TCF7L2: variants seen among roughly 807,000 people sequenced by gnomAD.
TCF7L2 encodes the protein transcription factor 7 like 2, also known as transcription factor 7-like 2.
Under a neutral mutation model 77.9 loss-of-function variants are expected in TCF7L2, and 23 were observed. The observed-to-expected ratio is 0.30, with a 90% confidence interval of 0.21 to 0.42. The LOEUF is 0.42. Ranked by LOEUF, TCF7L2 falls within the 10% of genes least tolerant of loss-of-function variation. TCF7L2 has a pLI of 1.00. For missense variants in TCF7L2, 654 were observed against 793.1 expected, an observed-to-expected ratio of 0.82 and a Z score of 2.11; for synonymous variants, 413 against 340.2, an observed-to-expected ratio of 1.21 and a Z score of -2.36.
chr10:113,099,455 A>C (rs2061396048), intron 5 of TCF7L2, among the ~76,000 whole-genome samples: 1 of 152,192 alleles, frequency 6.6e-6, no homozygotes. Context: ...AGCCGCCTGC[A>C]CCAGCCCTCA....
intron 4 of TCF7L2, among the ~76,000 whole-genome samples, chr10:113,009,705 C>T (rs2046142184): frequency 6.6e-6 from 1 of 152,192 alleles, no homozygotes; most frequent in Non-Finnish European, 1.5e-5. Flanking sequence ...GTACTTAAAG[C>T]TGTAAAGGGC....
Position 113,158,853 on chromosome 10 carries a change from A to T in TCF7L2, c.1318+784A>T, listed in dbSNP as rs1249602008. The T allele has an allele frequency of 6.4e-6, 5 of 783,062 alleles. No individual in the cohort carries two copies. The African/African-American group carries it at 9.3e-5, about 15-fold the overall frequency. The allele number at this position is 783,062 out of a possible 1,614,324, so 48.5% of individuals were successfully genotyped here. ...AAAATGACCATCAACACGGTTTCGTATGTTTCAGTAGATTTTTTTTTTCAG... is the reference window on the plus strand; with the variant it reads ...AAAATGACCATCAACACGGTTTCGTTTGTTTCAGTAGATTTTTTTTTTCAG... On this transcript the variant is annotated intron_variant, in intron 12 of 13. Coordinates refer to ENST00000627217, the MANE Select transcript of TCF7L2 (RefSeq NM_001146274.2).
rs909622840 is a variant in TCF7L2, at chr10:113,166,086, T to C, written c.*114T>C. On this transcript the variant is annotated 3_prime_UTR_variant, in exon 14 of 14. Coordinates refer to ENST00000627217, the MANE Select transcript of TCF7L2 (RefSeq NM_001146274.2). ...TTTGTACTCTCTTAATTTTGTGCCA[T>C]GTGGCTACATTAGTTGATGTTTATC... is the stretch of plus-strand genomic sequence containing the variant. 4.0e-5 allele frequency: 38 copies of C among 958,232 alleles called. No homozygotes were observed. The African/African-American group carries it at 4.1e-4, about 10-fold the overall frequency. 59.4% of individuals were successfully genotyped at this position (958,232 alleles called of 1,614,324 possible). A position where few individuals can be genotyped will look rare whatever the true frequency, so the allele number is the denominator to read the frequency against.
Position 113,151,043 on chromosome 10 carries a change from G to A in TCF7L2, c.921G>A (p.Thr307=), listed in dbSNP as rs150706998. ...CACCACATCATACGCTACACACGAC[G>A]GGCATTCCGCATCCGGCCATAGTCA... The change falls in exon 9 of 14, where the codon ACG becomes ACA. Residue 307 remains threonine (T), a synonymous_variant. Transcript: ENST00000627217. The surrounding 1 kb of genome is among the most constrained non-coding windows in gnomAD (Gnocchi z 5.2). 1.8e-5 allele frequency: 29 copies of A among 1,613,978 alleles called. No homozygotes were observed. The highest frequency in any genetic ancestry group is 1.2e-4 in the African/African-American group (9 of 74,958).
intron 5 of TCF7L2, among the ~76,000 whole-genome samples, chr10:113,043,587 C>G (rs2052857212): frequency 2.0e-5 from 3 of 152,100 alleles, no homozygotes; most frequent in Non-Finnish European, 4.4e-5. Flanking sequence ...TCCCTGCCTT[C>G]CCTCTTCCTT....
chr10:113,055,104 A>G (rs993671195), intron 5 of TCF7L2, among the ~76,000 whole-genome samples: 2 of 152,218 alleles, frequency 1.3e-5, no homozygotes, highest in Non-Finnish European at 1.5e-5. Flanking sequence ...GTACCTATAT[A>G]TGAGTTTCTC....
At chr10:113,132,595 G>C (rs1274137421) in intron 5 of TCF7L2, among the ~76,000 whole-genome samples, 1 of 152,124 alleles carries the variant, frequency 6.6e-6, no homozygotes, top group Non-Finnish European at 1.5e-5. Context: ...TTTTGAATTT[G>C]AGCTTTTGGA....
At chr10:113,090,378 T>G in intron 5 of TCF7L2, among the ~76,000 whole-genome samples, 1 of 152,190 alleles carries the variant, frequency 6.6e-6, no homozygotes, top group Non-Finnish European at 1.5e-5. Context: ...ACCTATTGGG[T>G]GCTGTGCTAT....
At chr10:113,062,385 C>T (rs116249062) in intron 5 of TCF7L2, among the ~76,000 whole-genome samples, 1,992 of 152,236 alleles carry the variant, frequency 0.013, 44 homozygotes, top group African/African-American at 0.045. Flanking sequence ...CATCCATGTT[C>T]GCTACGAGGA....
chr10:113,042,573 G>C (rs563408659), intron 5 of TCF7L2, among the ~76,000 whole-genome samples: 63 of 152,254 alleles, frequency 4.1e-4, no homozygotes, highest in African/African-American at 1.3e-3. Flanking sequence ...CCTGTGATGG[G>C]GTATTTCTGC....
chr10:113,059,512 AC>A (rs1261294157), intron 5 of TCF7L2, among the ~76,000 whole-genome samples: 6 of 152,098 alleles, frequency 3.9e-5, no homozygotes, highest in Non-Finnish European at 8.8e-5. Context: ...TGAATCAAAA[AC>A]AGACACCGAA....
At chr10:113,122,993 C>T (rs1223432716) in intron 5 of TCF7L2, among the ~76,000 whole-genome samples, 1 of 152,204 alleles carries the variant, frequency 6.6e-6, no homozygotes, top group African/African-American at 2.4e-5. Flanking sequence ...GGTAAGACAT[C>T]AGACATGACG....
Position 113,136,584 on chromosome 10 carries a change from T to A in TCF7L2, c.553-4600T>A, listed in dbSNP as rs1367550182. On this transcript the variant is annotated intron_variant, in intron 5 of 13. Coordinates refer to ENST00000627217, the MANE Select transcript of TCF7L2 (RefSeq NM_001146274.2). ...TGGCTGTAATGATTTTGTATCCCCA[T>A]GTAGTTTTGAAGATGTATTTAGGTG... is the stretch of plus-strand genomic sequence containing the variant. Among the ~76,000 whole-genome samples, 4 of 152,148 alleles carry A rather than the reference T, an allele frequency of 2.6e-5. No homozygotes were observed. The East Asian group carries it at 7.7e-4, about 29-fold the overall frequency.
intron 4 of TCF7L2, among the ~76,000 whole-genome samples, chr10:112,991,174 T>C (rs1036248072): frequency 2.0e-5 from 3 of 152,106 alleles, no homozygotes; most frequent in Non-Finnish European, 4.4e-5. Context: ...GAGATCTTGC[T>C]AGGGGGGTGG....
intron 4 of TCF7L2, among the ~76,000 whole-genome samples, chr10:112,988,741 G>T (rs982647075): frequency 6.6e-5 from 10 of 152,182 alleles, no homozygotes; most frequent in African/African-American, 2.4e-4. Context: ...GTTCTATCTT[G>T]TGTAGGAACT....
intron 5 of TCF7L2, among the ~76,000 whole-genome samples, chr10:113,091,886 C>T (rs900838681): frequency 2.0e-5 from 3 of 152,224 alleles, no homozygotes; most frequent in Non-Finnish European, 4.4e-5. Flanking sequence ...GGGAGGCCCC[C>T]TTTTCTCTGC....
chr10:113,099,974 G>T (rs2135862658), intron 5 of TCF7L2, among the ~76,000 whole-genome samples: 1 of 152,284 alleles, frequency 6.6e-6, no homozygotes, highest in South Asian at 2.1e-4. Flanking sequence ...CTCCACGCAA[G>T]TACCCCAGCT....
At chr10:113,040,382 G>A (rs1354940794) in intron 5 of TCF7L2, among the ~76,000 whole-genome samples, 1 of 152,120 alleles carries the variant, frequency 6.6e-6, no homozygotes, top group Non-Finnish European at 1.5e-5. Context: ...ATCTAGCCTT[G>A]TGGGCTCTAG....
chr10:113,099,880 C>T (rs547811073), intron 5 of TCF7L2, among the ~76,000 whole-genome samples: 16 of 152,220 alleles, frequency 1.1e-4, no homozygotes, highest in Non-Finnish European at 2.1e-4. Flanking sequence ...GAGGTGGCAT[C>T]CAGAACACAG....
Sources: allele counts gnomAD v4.1 joint callset (sites outside exome capture counted in the v4.1 genomes callset), GRCh38; gene constraint gnomAD v4.1.1; non-coding constraint Gnocchi (gnomAD v3.1); transcripts MANE v1.5; gene names NCBI Gene and HGNC (gene_info 2026-07-23, HGNC 2026-07-21).